Variants in FBN2 observed in about 807,000 individuals in gnomAD.
FBN2 encodes the protein fibrillin 2, also known as fibrillin-2.
Under a neutral mutation model 355.6 loss-of-function variants are expected in FBN2, and 105 were observed. That is an observed-to-expected ratio of 0.30 (90% CI 0.25 to 0.35). FBN2 has a LOEUF of 0.35. Among genes scored for constraint, FBN2 ranks in the 10% least tolerant of loss-of-function variants. FBN2 has a pLI of 1.00. For synonymous variants in FBN2, 1,350 were observed against 1,301.2 expected, an observed-to-expected ratio of 1.04 and a Z score of -0.81; for missense variants, 3,280 against 3,758.7, an observed-to-expected ratio of 0.87 and a Z score of 3.33.
In FBN2 at chr5:128,519,888, AGGGGG is replaced by A. The variant is rs1187702183; in HGVS notation, c.533-525_533-521del. 7.9e-5 allele frequency among the ~76,000 whole-genome samples: 12 copies of A among 152,204 alleles called. No homozygotes were observed. In the East Asian group the frequency reaches 2.1e-3, roughly 27 times the overall value. ...AAAATCAGAGAAGAAAAGGAAGCCA[AGGGGG>A]GAAAAGGTAAAGCTGGAAGGGCAAA... On this transcript the variant is annotated intron_variant, in intron 4 of 64. Coordinates refer to ENST00000262464, the MANE Select transcript of FBN2 (RefSeq NM_001999.4).
intron 33 of FBN2, among the ~76,000 whole-genome samples, chr5:128,329,950 A>G (rs926929541): frequency 1.3e-5 from 2 of 152,218 alleles, no homozygotes; most frequent in African/African-American, 2.4e-5. Flanking sequence ...GAAGCCAAAC[A>G]GAAGCTATTA....
At chr5:128,337,621 C>A (rs926391656) in intron 27 of FBN2, among the ~76,000 whole-genome samples, 1 of 152,188 alleles carries the variant, frequency 6.6e-6, no homozygotes, top group Non-Finnish European at 1.5e-5. Context: ...CGTGAGCAGG[C>A]ACAGGGGCGT....
At chr5:128,349,296 G>A in intron 23 of FBN2, 51 bp downstream of exon 23, 2 of 1,611,386 alleles carry the variant, frequency 1.2e-6, no homozygotes, top group East Asian at 2.2e-5. Flanking sequence ...CTTAAACAAG[G>A]AAATTCATGG....
intron 2 of FBN2, among the ~76,000 whole-genome samples, chr5:128,534,118 G>A (rs1756784636): frequency 6.6e-6 from 1 of 151,944 alleles, no homozygotes; most frequent in Non-Finnish European, 1.5e-5. Context: ...AGAATGCTGA[G>A]GTACAAATGT....
At chr5:128,302,282 G>A (rs1412564095) in intron 46 of FBN2, among the ~76,000 whole-genome samples, 2 of 152,146 alleles carry the variant, frequency 1.3e-5, no homozygotes, top group African/African-American at 4.8e-5. Flanking sequence ...ACATTATGCT[G>A]TAAATTACCC....
At position 128,446,548 on chromosome 5, in the gene FBN2, T is replaced by C. The variant is rs989219711; in HGVS notation, c.885A>G (p.Thr295=). The stretch of plus-strand genomic sequence containing the variant: ...GGCATCTGCATTCAAAAGAGCCCAC[T>C]GTATTGATACAGTTTCCTCCTTGGC... The part of the protein sequence containing the change: ...GICQGGNCIN[T]VGSFECRCPA... The change falls in exon 7 of 65, where the codon ACA becomes ACG. Residue 295 remains threonine, a synonymous_variant. Coordinates refer to ENST00000262464, the MANE Select transcript of FBN2 (RefSeq NM_001999.4). 5.6e-6 allele frequency: 9 copies of C among 1,613,820 alleles called. No homozygotes were observed. Among genetic ancestry groups the C allele is most frequent in the African/African-American group, 1.3e-5 (1 of 74,942 alleles).
At chr5:128,328,327 T>C in intron 34 of FBN2, 2 of 473,746 alleles carry the variant, frequency 4.2e-6, no homozygotes, top group South Asian at 5.0e-5. Context: ...TTTTATGATT[T>C]TGATAAACAC....
At chr5:128,304,126 C>A (rs960544541) in intron 45 of FBN2, among the ~76,000 whole-genome samples, 1 of 152,198 alleles carries the variant, frequency 6.6e-6, no homozygotes, top group Non-Finnish European at 1.5e-5. Flanking sequence ...TAGATAATAT[C>A]TTGAATATCA....
In FBN2 at chr5:128,364,720, T is replaced by G. The variant is rs772662395; in HGVS notation, c.2308A>C (p.Asn770His). The G allele has an allele frequency of 7.4e-6, 12 of 1,612,406 alleles. 1 individual carries two copies. Among genetic ancestry groups the G allele is most frequent in the Middle Eastern group, 3.3e-4 (2 of 6,056 alleles). Residue 770 changes from asparagine (N) to histidine (H), a missense_variant, in exon 18 of 65, where the codon AAT becomes CAT. This residue lies in a region of FBN2 where 2,284 missense variants were observed against 2,749.5 expected (regional missense o/e 0.83). Transcript: ENST00000262464. The stretch of plus-strand genomic sequence containing the variant: ...ATATCAGGATCCAAAGCACATTCAT[T>G]GATATCTGCATTAAATATTGAAAGT... ...VGITVDGRDI[N>H]ECALDPDICA... is the part of the protein sequence containing the mutation.
At chr5:128,322,357 C>T (rs1338938720) in intron 34 of FBN2, among the ~76,000 whole-genome samples, 1 of 152,110 alleles carries the variant, frequency 6.6e-6, no homozygotes, top group Non-Finnish European at 1.5e-5. Context: ...GAAGTCTTTG[C>T]CCATGCCTAT....
At position 128,393,237 on chromosome 5, in the gene FBN2, C is replaced by T. The variant is rs1282028162; in HGVS notation, c.1363G>A (p.Gly455Arg). 1 of 1,614,082 alleles carries T rather than the reference C, an allele frequency of 6.2e-7. No individual in the cohort carries two copies. The highest frequency in any genetic ancestry group is 1.3e-5 in the African/African-American group (1 of 74,932). ...CCAGGGATGGGGATGAAGCCTGTCCCTCCTGGGCCATAGCCATTGCCATTG... is the reference window on the plus strand; with the variant it reads ...CCAGGGATGGGGATGAAGCCTGTCCTTCCTGGGCCATAGCCATTGCCATTG... ...SGNGNGYGPG[G>R]TGFIPIPGGN... Residue 455 changes from glycine to arginine, a missense_variant, in exon 10 of 65, where the codon GGG (glycine) becomes AGG (arginine). Coordinates refer to ENST00000262464, the MANE Select transcript of FBN2 (RefSeq NM_001999.4).
chr5:128,309,239 G>A lies in FBN2; in HGVS notation c.5353+8C>T. 1.2e-6 allele frequency: 2 copies of A among 1,613,938 alleles called. No individual in the cohort carries two copies. The highest frequency in any genetic ancestry group is 2.2e-5 in the East Asian group (1 of 44,874). The stretch of plus-strand genomic sequence containing the variant: ...GGCAGTCAGCAGATGCACGAGCCGT[G>A]TGCTTACCTGTTCCTGGAGTTGGGC... On this transcript the variant is annotated splice_region_variant and intron_variant, in intron 41 of 64. Transcript: ENST00000262464.
intron 4 of FBN2, among the ~76,000 whole-genome samples, chr5:128,525,079 A>C (rs1756528376): frequency 6.6e-6 from 1 of 152,166 alleles, no homozygotes; most frequent in Non-Finnish European, 1.5e-5. Context: ...ACCCTCATAC[A>C]TACATACACA....
rs199668238 is a variant in FBN2 at position 128,328,765 on chromosome 5, C to T, written c.4402G>A (p.Val1468Ile). The T allele has an allele frequency of 1.9e-6, 3 of 1,614,156 alleles. No individual in the cohort carries two copies. The highest frequency in any genetic ancestry group is 2.2e-5 in the East Asian group (1 of 44,888). ...CACTCGCAGCGATATGCACCCGGGA[C>T]ATTAAGGCACTGTCCGTTCTCACAG... ...NLCENGQCLN[V>I]PGAYRCECEM... Residue 1468 changes from valine to isoleucine, a missense_variant, in exon 34 of 65, where the codon GTC (valine) becomes ATC (isoleucine). By Grantham distance (29) the Val-to-Ile change is conservative. Coordinates refer to ENST00000262464, the MANE Select transcript of FBN2 (RefSeq NM_001999.4).
intron 19 of FBN2, among the ~76,000 whole-genome samples, chr5:128,360,204 G>C (rs1008958533): frequency 2.0e-5 from 3 of 152,034 alleles, no homozygotes; most frequent in Admixed American, 6.6e-5. Context: ...ATCTGTCCAA[G>C]GAAATCATGG....
At chr5:128,284,719 C>G (rs1389694992) in intron 55 of FBN2, among the ~76,000 whole-genome samples, 1 of 152,162 alleles carries the variant, frequency 6.6e-6, no homozygotes, top group East Asian at 1.9e-4. Context: ...GTTCTTAAAG[C>G]CTTAGAATCT....
At chr5:128,398,680 A>C (rs1752712803) in intron 8 of FBN2, among the ~76,000 whole-genome samples, 1 of 152,184 alleles carries the variant, frequency 6.6e-6, no homozygotes, top group Non-Finnish European at 1.5e-5. Flanking sequence ...TGAAAAGCTA[A>C]TTAGATGTAC....
intron 3 of FBN2, among the ~76,000 whole-genome samples, chr5:128,528,660 G>C (rs928239166): frequency 6.6e-6 from 1 of 152,180 alleles, no homozygotes; most frequent in Non-Finnish European, 1.5e-5. Context: ...ACAGGGAAGA[G>C]ACCTTGGAAA....
chr5:128,444,424 G>A (rs1234862647), intron 7 of FBN2, among the ~76,000 whole-genome samples: 1 of 152,194 alleles, frequency 6.6e-6, no homozygotes, highest in African/African-American at 2.4e-5. Flanking sequence ...ATTGAAAATA[G>A]CTGCTTTTAA....
Sources: gnomAD v4.1 joint callset for allele counts (sites outside exome capture counted in the v4.1 genomes callset) on GRCh38, gnomAD v4.1.1 for gene constraint, gnomAD v4.1.1 regional missense constraint, MANE v1.5 for transcripts, NCBI Gene and HGNC (gene_info 2026-07-23, HGNC 2026-07-21) for gene names.